Variants in DCP1A observed in about 807,000 individuals in gnomAD.
DCP1A encodes the protein decapping mRNA 1A, also known as mRNA-decapping enzyme 1A.
Under a neutral mutation model 58.0 loss-of-function variants are expected in DCP1A, and 20 were observed. That is an observed-to-expected ratio of 0.34 (90% CI 0.24 to 0.50). DCP1A has a LOEUF of 0.50. Among genes scored for constraint, DCP1A ranks in the 20% least tolerant of loss-of-function variants. The pLI is 0.98. For synonymous variants in DCP1A, 285 were observed against 275.1 expected (o/e 1.04, Z -0.36); for missense variants, 613 against 712.2 (o/e 0.86, Z 1.59).
At chr3:53,289,956 T>G (rs1706793230) in intron 8 of DCP1A, among the ~76,000 whole-genome samples, 1 of 152,156 alleles carries the variant, frequency 6.6e-6, no homozygotes, top group Non-Finnish European at 1.5e-5. Context: ...AAAAGCAGGC[T>G]GAGATAGATC....
intron 6 of DCP1A, among the ~76,000 whole-genome samples, chr3:53,302,716 G>A (rs1431919302): frequency 3.3e-5 from 5 of 150,598 alleles, no homozygotes; most frequent in Admixed American, 6.6e-5. Context: ...TCCACCTCCC[G>A]GGTTCAAGCA....
Position 53,292,412 on chromosome 3 carries a change from G to C in DCP1A, c.1040C>G (p.Thr347Ser), listed in dbSNP as rs369794168. The C allele has an allele frequency of 8.1e-6, 13 of 1,613,834 alleles. No individual in the cohort carries two copies. Among genetic ancestry groups the C allele is most frequent in the Non-Finnish European group, 8.5e-6 (10 of 1,179,872 alleles). Residue 347 changes from threonine (T) to serine (S), a missense_variant, in exon 7 of 10, where the codon ACC becomes AGC. Transcript: ENST00000610213. ...GAGTGGAGACCTCTGTCTAGGCGTG[G>C]TCTTCACTGCCTGCATCATGGTGCT... is the stretch of plus-strand genomic sequence containing the variant. Reference protein sequence around the residue: ...RNSTMMQAVKTTPRQRSPLLN... With the variant: ...RNSTMMQAVKSTPRQRSPLLN...
chr3:53,288,952 T>C (rs1553685559), intron 8 of DCP1A, among the ~76,000 whole-genome samples: 1 of 151,442 alleles, frequency 6.6e-6, no homozygotes, highest in African/African-American at 2.4e-5. Flanking sequence ...GAGGTGGAGG[T>C]TGCAGTGAGC....
intron 5 of DCP1A, among the ~76,000 whole-genome samples, chr3:53,311,563 G>A (rs1707645561): frequency 6.6e-6 from 1 of 152,166 alleles, no homozygotes. Flanking sequence ...AGAAGAGAAA[G>A]AAAACAGTGA....
intron 5 of DCP1A, among the ~76,000 whole-genome samples, chr3:53,306,232 C>T (rs1707466704): frequency 6.6e-6 from 1 of 152,160 alleles, no homozygotes; most frequent in Non-Finnish European, 1.5e-5. Flanking sequence ...TCAGTGTTAT[C>T]AATTTGAATA....
chr3:53,289,897 G>A (rs537098655), intron 8 of DCP1A, among the ~76,000 whole-genome samples: 3 of 152,224 alleles, frequency 2.0e-5, no homozygotes, highest in South Asian at 4.1e-4. Context: ...TCAACGGTAT[G>A]GTTTTTGGCA....
chr3:53,331,501 T>C (rs1367101310), intron 3 of DCP1A, among the ~76,000 whole-genome samples: 3 of 152,226 alleles, frequency 2.0e-5, no homozygotes, highest in Non-Finnish European at 4.4e-5. Flanking sequence ...TACAGTAACA[T>C]GCTGTACAGG....
intron 5 of DCP1A, among the ~76,000 whole-genome samples, chr3:53,311,435 C>A (rs1265455853): frequency 6.6e-6 from 1 of 152,176 alleles, no homozygotes; most frequent in African/African-American, 2.4e-5. Context: ...ACTGCTTGCA[C>A]ATAGTAGATG....
chr3:53,299,490 A>T (rs1368036584), intron 6 of DCP1A, among the ~76,000 whole-genome samples: 1 of 151,998 alleles, frequency 6.6e-6, no homozygotes, highest in Non-Finnish European at 1.5e-5. Flanking sequence ...AATATGGTTC[A>T]CTCCTCATCC....
intron 6 of DCP1A, among the ~76,000 whole-genome samples, chr3:53,296,612 A>G (rs1553686802): frequency 1.3e-5 from 2 of 152,262 alleles, no homozygotes; most frequent in African/African-American, 4.8e-5. Flanking sequence ...AAAACTTACC[A>G]TTTTAACCAT....
intron 3 of DCP1A, among the ~76,000 whole-genome samples, chr3:53,333,606 C>A (rs2089056018): frequency 6.6e-6 from 1 of 151,596 alleles, no homozygotes; most frequent in Admixed American, 6.6e-5. Context: ...GAGGTCGAGA[C>A]AGCCTGGGCA....
chr3:53,313,145 G>A (rs1707699658), intron 4 of DCP1A, among the ~76,000 whole-genome samples: 1 of 152,072 alleles, frequency 6.6e-6, no homozygotes, highest in African/African-American at 2.4e-5. Flanking sequence ...TAGAGGTCTT[G>A]GTGAATCCTT....
chr3:53,302,898 C>T (rs891704937), intron 6 of DCP1A, among the ~76,000 whole-genome samples: 6 of 151,936 alleles, frequency 3.9e-5, no homozygotes, highest in Non-Finnish European at 8.8e-5. Context: ...GCTGGGATTA[C>T]AGGCATGAGC....
At chr3:53,301,070 T>C (rs576430577) in intron 6 of DCP1A, among the ~76,000 whole-genome samples, 12 of 152,300 alleles carry the variant, frequency 7.9e-5, no homozygotes, top group African/African-American at 2.9e-4. Flanking sequence ...AAGTGATTCA[T>C]GATTTAGAAA....
At chr3:53,302,143 G>A (rs1385363813) in intron 6 of DCP1A, among the ~76,000 whole-genome samples, 5 of 152,160 alleles carry the variant, frequency 3.3e-5, no homozygotes, top group Admixed American at 6.5e-5. Context: ...AAGGAAATCT[G>A]AACAACATGT....
intron 6 of DCP1A, 86 bp from the exon 7 acceptor site, chr3:53,292,913 G>T: frequency 7.2e-7 from 1 of 1,394,618 alleles, no homozygotes; most frequent in Non-Finnish European, 9.7e-7. Context: ...CAAAGATTTT[G>T]CAGAATCAAG....
intron 3 of DCP1A, among the ~76,000 whole-genome samples, chr3:53,324,295 A>G (rs1318972780): frequency 6.6e-6 from 1 of 152,194 alleles, no homozygotes; most frequent in Non-Finnish European, 1.5e-5. Flanking sequence ...GCATCCAAGA[A>G]TCAGCTCTGT....
At chr3:53,299,416 T>C (rs1412428757) in intron 6 of DCP1A, among the ~76,000 whole-genome samples, 2 of 152,198 alleles carry the variant, frequency 1.3e-5, no homozygotes, top group African/African-American at 4.8e-5. Flanking sequence ...GCTCAGGAAA[T>C]GGCATTCAGC....
chr3:53,302,828 G>A (rs1358870233), intron 6 of DCP1A, among the ~76,000 whole-genome samples: 1 of 152,108 alleles, frequency 6.6e-6, no homozygotes, highest in African/African-American at 2.4e-5. Context: ...TCGCCATGTT[G>A]GCCAGGCTGG....
Sources: gnomAD v4.1 joint callset for allele counts (sites outside exome capture counted in the v4.1 genomes callset) on GRCh38, gnomAD v4.1.1 for gene constraint, MANE v1.5 for transcripts, NCBI Gene and HGNC (gene_info 2026-07-23, HGNC 2026-07-21) for gene names.